The following MYO10 variants were observed in gnomAD, a reference collection of about 807,000 sequenced individuals.
The protein encoded by MYO10 is myosin X.
A neutral mutation model predicts 257.3 loss-of-function variants in MYO10; 133 were observed. The observed-to-expected ratio is 0.52, with a 90% CI of 0.45 to 0.60. The LOEUF is 0.60. MYO10 is among the 20% of genes least tolerant of loss of function. The pLI is 0.00. For synonymous variants in MYO10, 1,104 were observed against 1,028.6 expected, an observed-to-expected ratio of 1.07 and a Z score of -1.40; for missense variants, 2,399 against 2,635.7, an observed-to-expected ratio of 0.91 and a Z score of 1.97.
chr5:16,820,939 A>G (rs1742781113), intron 2 of MYO10, among the ~76,000 whole-genome samples: 1 of 147,962 alleles, frequency 6.8e-6, no homozygotes. Context: ...CATCTTATAT[A>G]TTATATATTA....
intron 2 of MYO10, among the ~76,000 whole-genome samples, chr5:16,843,600 A>G (rs1743547425): frequency 6.6e-6 from 1 of 152,186 alleles, no homozygotes; most frequent in South Asian, 2.1e-4. Context: ...ATTTGTCTCC[A>G]TAAGGTCCTG....
At chr5:16,915,652 T>G (rs1745793358) in intron 1 of MYO10, among the ~76,000 whole-genome samples, 1 of 152,322 alleles carries the variant, frequency 6.6e-6, no homozygotes, top group South Asian at 2.1e-4. Context: ...TCATCTCTGA[T>G]GCAAAGAAAT....
intron 1 of MYO10, among the ~76,000 whole-genome samples, chr5:16,918,157 G>T (rs115741011): frequency 0.069 from 10,560 of 152,122 alleles, 431 homozygotes; most frequent in African/African-American, 0.11. Flanking sequence ...TCTTAAAATT[G>T]TTATCATTAA....
Position 16,673,745 on chromosome 5 carries a change from C to T in MYO10, c.5109G>A (p.Thr1703=), listed in dbSNP as rs561692106. The change falls in exon 36 of 41, where the codon ACG becomes ACA. Residue 1703 remains threonine, a synonymous_variant. Coordinates refer to ENST00000513610, the MANE Select transcript of MYO10 (RefSeq NM_012334.3). Reference sequence around the variant, plus strand: ...AGGAGCCGCCGCCATGGCAATAGACCGTGGATGTCATTTCCTGCCTGTGGA... The same window carrying T: ...AGGAGCCGCCGCCATGGCAATAGACTGTGGATGTCATTTCCTGCCTGTGGA... ...ALIHRQEMTS[T]VYCHGGGSCK... 2.3e-5 allele frequency: 37 copies of T among 1,613,930 alleles called. No individual in the cohort carries two copies. In the Admixed American group the frequency reaches 2.8e-4, roughly 12 times the overall value.
intron 2 of MYO10, among the ~76,000 whole-genome samples, chr5:16,848,901 C>T (rs939820716): frequency 6.6e-6 from 1 of 152,156 alleles, no homozygotes; most frequent in Non-Finnish European, 1.5e-5. Context: ...AAATACTACT[C>T]AGGAAGGTTA....
intron 2 of MYO10, among the ~76,000 whole-genome samples, chr5:16,874,830 A>G (rs1744554064): frequency 6.6e-6 from 1 of 152,170 alleles, no homozygotes; most frequent in South Asian, 2.1e-4. Context: ...GCAAGTATCC[A>G]TGCCTGGTAC....
At chr5:16,827,540 G>GCTTC (rs1743037348) in intron 2 of MYO10, among the ~76,000 whole-genome samples, 1 of 152,146 alleles carries the variant, frequency 6.6e-6, no homozygotes, top group African/African-American at 2.4e-5. Flanking sequence ...GCCCACCCTG[G>GCTTC]CTTCCCAAAG....
rs184574894 is a variant in MYO10 at position 16,851,842 on chromosome 5, G to A, written c.120+25767C>T. ...CCAAGGCGGGCAGATCACGAGGTCA[G>A]GAGTTAGAGACCAGCCTGGCCAACA... is the stretch of plus-strand genomic sequence containing the variant. On this transcript the variant is annotated intron_variant, in intron 2 of 40. Transcript: ENST00000513610. Among the ~76,000 whole-genome samples the A allele has an allele frequency of 6.5e-4, 99 of 152,180 alleles. 1 individual carries two copies. The highest frequency in any genetic ancestry group is 1.6e-3 in the Admixed American group (25 of 15,288).
chr5:16,781,484 T>C (rs1741422105), intron 6 of MYO10, among the ~76,000 whole-genome samples: 1 of 152,186 alleles, frequency 6.6e-6, no homozygotes, highest in South Asian at 2.1e-4. Flanking sequence ...TCCTCCTGCC[T>C]CAGCCTCCCA....
intron 9 of MYO10, among the ~76,000 whole-genome samples, chr5:16,772,496 C>T (rs1050844796): frequency 2.6e-5 from 4 of 152,236 alleles, no homozygotes; most frequent in Non-Finnish European, 5.9e-5. Flanking sequence ...TTTACAGTAG[C>T]TTTTTGTAAA....
chr5:16,862,506 G>C (rs988848950), intron 2 of MYO10, among the ~76,000 whole-genome samples: 24 of 152,080 alleles, frequency 1.6e-4, no homozygotes, highest in African/African-American at 5.8e-4. Context: ...TTTCTGAACT[G>C]TTTTTTGTTC....
At position 16,807,591 on chromosome 5, in the gene MYO10, C is replaced by T. The variant is rs1194050812; in HGVS notation, c.279+10418G>A. Among the ~76,000 whole-genome samples, 8 of 152,036 alleles carry T rather than the reference C, an allele frequency of 5.3e-5. No homozygotes were observed. In the South Asian group the frequency reaches 1.2e-3, roughly 24 times the overall value. On this transcript the variant is annotated intron_variant, in intron 3 of 40. Transcript: ENST00000513610. ...GAGCCATTCCTTCCTCCATTGCTCT[C>T]GACCGCCTTGCCAGCCAGCAGCATG... is the stretch of plus-strand genomic sequence containing the variant.
At chr5:16,856,301 G>A (rs775597296) in intron 2 of MYO10, among the ~76,000 whole-genome samples, 1 of 152,188 alleles carries the variant, frequency 6.6e-6, no homozygotes, top group African/African-American at 2.4e-5. Flanking sequence ...GCTCACGCCT[G>A]TAATCCCAGC....
chr5:16,752,215 A>G (rs1184579469), intron 19 of MYO10, among the ~76,000 whole-genome samples: 5 of 152,192 alleles, frequency 3.3e-5, no homozygotes, highest in Non-Finnish European at 5.9e-5. Flanking sequence ...GAATGGGAAA[A>G]AAGCTTCCAA....
chr5:16,767,686 C>CT (rs985337878), intron 10 of MYO10, among the ~76,000 whole-genome samples: 6 of 150,268 alleles, frequency 4.0e-5, no homozygotes, highest in Non-Finnish European at 7.4e-5. Context: ...GAAGTTTTCA[C>CT]TTTTTTTTTG....
At chr5:16,758,865 T>C (rs1740610388) in intron 17 of MYO10, among the ~76,000 whole-genome samples, 2 of 152,196 alleles carry the variant, frequency 1.3e-5, no homozygotes, top group African/African-American at 2.4e-5. Flanking sequence ...TAGTTATTAT[T>C]TAAAAAGTTC....
At chr5:16,930,308 G>A (rs1404077498) in intron 1 of MYO10, among the ~76,000 whole-genome samples, 1 of 152,182 alleles carries the variant, frequency 6.6e-6, no homozygotes, top group African/African-American at 2.4e-5. Flanking sequence ...GGATGGAGTG[G>A]AACTGGGTAA....
chr5:16,777,554 G>A (rs1741256572), intron 9 of MYO10, among the ~76,000 whole-genome samples: 1 of 152,194 alleles, frequency 6.6e-6, no homozygotes, highest in Admixed American at 6.5e-5. Flanking sequence ...AATCTGAGGT[G>A]CACTGAAACC....
intron 26 of MYO10, 97 bp from the exon 27 acceptor site, chr5:16,694,711 T>C: frequency 6.7e-7 from 1 of 1,497,104 alleles, no homozygotes; most frequent in Non-Finnish European, 9.1e-7. Context: ...CTAGCCGAGC[T>C]TAGACTCTGC....
Sources: gnomAD v4.1 joint callset for allele counts (sites outside exome capture counted in the v4.1 genomes callset) on GRCh38, gnomAD v4.1.1 for gene constraint, MANE v1.5 for transcripts, NCBI Gene and HGNC (gene_info 2026-07-23, HGNC 2026-07-21) for gene names.